MOSPD1: variants seen among roughly 807,000 people sequenced by gnomAD.
MOSPD1 encodes motile sperm domain containing 1.
A neutral mutation model predicts 16.7 loss-of-function variants in MOSPD1; 5 were observed. The ratio of observed to expected loss-of-function variants is 0.30; its 90% CI spans 0.16 to 0.63. The LOEUF is 0.63. Among genes scored for constraint, MOSPD1 ranks in the 30% least tolerant of loss-of-function variants. The pLI is 0.82. For synonymous variants in MOSPD1, 67 were observed against 59.2 expected, an observed-to-expected ratio of 1.13 and a Z score of -0.61; for missense variants, 104 against 153.6, an observed-to-expected ratio of 0.68 and a Z score of 1.71.
At chrX:134,898,328 T>A (rs1176353232) in intron 3 of MOSPD1, among the ~76,000 whole-genome samples, 1 of 112,585 alleles carries the variant, frequency 8.9e-6, no homozygotes, top group African/African-American at 3.2e-5. Flanking sequence ...GTGTACTGAA[T>A]GAAAATTTTT....
chrX:134,902,725 T>C (rs1477017427), intron 1 of MOSPD1, among the ~76,000 whole-genome samples: 1 of 109,151 alleles, frequency 9.2e-6, no homozygotes, highest in Non-Finnish European at 1.9e-5. Flanking sequence ...TCCAGGGACA[T>C]TGAGGCTACA....
At chrX:134,894,269 TACTG>T (rs1209842781) in intron 4 of MOSPD1, among the ~76,000 whole-genome samples, 1 of 112,056 alleles carries the variant, frequency 8.9e-6, no homozygotes, top group Non-Finnish European at 1.9e-5. Flanking sequence ...TTCTCGTTTT[TACTG>T]ACTTTCAATA....
chrX:134,891,125 C>A (rs2082861178), intron 5 of MOSPD1, among the ~76,000 whole-genome samples: 1 of 111,175 alleles, frequency 9.0e-6, no homozygotes, highest in African/African-American at 3.3e-5. Flanking sequence ...TTAAACAAGG[C>A]TGCACTGTTC....
intron 1 of MOSPD1, among the ~76,000 whole-genome samples, chrX:134,913,154 C>T (rs1180159886): frequency 9.0e-6 from 1 of 110,700 alleles, no homozygotes; most frequent in Non-Finnish European, 1.9e-5. Context: ...GGGGGCAGAT[C>T]ACTTGAGGTC....
At chrX:134,904,861 G>GA (rs61567663) in intron 1 of MOSPD1, among the ~76,000 whole-genome samples, 1,786 of 91,923 alleles carry the variant, frequency 0.019, 52 homozygotes, top group African/African-American at 0.065. Context: ...GACTCCATCT[G>GA]AAAAAAAAAA....
chrX:134,915,119 C>A (rs771167166), intron 1 of MOSPD1, 63 bp downstream of exon 1: 19 of 113,128 alleles, frequency 1.7e-4, no homozygotes, highest in African/African-American at 5.1e-4. Context: ...CTCTCAGCCA[C>A]GTAACTTCCA....
At chrX:134,899,017 C>T in intron 3 of MOSPD1, 73 bp downstream of exon 3, 2 of 871,327 alleles carry the variant, frequency 2.3e-6, no homozygotes, top group East Asian at 3.2e-5. Context: ...AAGAAAATAT[C>T]TTTTTTTTTC....
At chrX:134,914,579 T>C (rs2082988983) in intron 1 of MOSPD1, among the ~76,000 whole-genome samples, 1 of 111,013 alleles carries the variant, frequency 9.0e-6, no homozygotes, top group Non-Finnish European at 1.9e-5. Flanking sequence ...CCCTACACCC[T>C]ACCCCATTTT....
intron 5 of MOSPD1, among the ~76,000 whole-genome samples, chrX:134,889,790 G>A (rs2082852636): frequency 9.0e-6 from 1 of 111,725 alleles, no homozygotes; most frequent in Non-Finnish European, 1.9e-5. Context: ...ATGGACAGGG[G>A]CTAGGCATGG....
At chrX:134,904,044 A>C (rs2082928874) in intron 1 of MOSPD1, among the ~76,000 whole-genome samples, 1 of 112,528 alleles carries the variant, frequency 8.9e-6, no homozygotes, top group African/African-American at 3.2e-5. Flanking sequence ...CTTGGGAAAA[A>C]AACAAACAAA....
intron 5 of MOSPD1, 65 bp from the exon 6 acceptor site, chrX:134,889,257 C>G (rs1019861683): frequency 2.2e-6 from 2 of 910,970 alleles, no homozygotes; most frequent in African/African-American, 2.0e-5. Flanking sequence ...ATTCAATAAG[C>G]AATTGTTTGG....
intron 1 of MOSPD1, among the ~76,000 whole-genome samples, chrX:134,903,991 T>G (rs938663236): frequency 1.8e-5 from 2 of 111,614 alleles, no homozygotes; most frequent in African/African-American, 6.5e-5. Context: ...GAGCCGAGAC[T>G]GTGCCACTGC....
At chrX:134,897,692 T>C (rs939147860) in intron 3 of MOSPD1, among the ~76,000 whole-genome samples, 1 of 109,961 alleles carries the variant, frequency 9.1e-6, no homozygotes, top group Non-Finnish European at 1.9e-5. Flanking sequence ...CATAAATTTC[T>C]ATTGCTACTT....
chrX:134,909,389 C>T (rs1221088862), intron 1 of MOSPD1, among the ~76,000 whole-genome samples: 1 of 111,960 alleles, frequency 8.9e-6, no homozygotes, highest in Non-Finnish European at 1.9e-5. Context: ...GACCCATCTG[C>T]TTGGTCACAG....
In MOSPD1 at chrX:134,896,833, C is replaced by T. The variant is rs771898993; in HGVS notation, c.432G>A (p.Glu144=). 1 of 1,209,937 alleles carries T rather than the reference C, an allele frequency of 8.3e-7. No individual in the cohort carries two copies. The highest frequency in any genetic ancestry group is 1.1e-6 in the Non-Finnish European group (1 of 894,022). ...KEHLTESLFF[E]QSFQPENRAV... is the part of the protein sequence containing the mutation. ...CAAAACTACCTGGTTGAAACGACTGCTCAAAAAATAAACTTTCAGTTAAAT... is the reference window on the plus strand; with the variant it reads ...CAAAACTACCTGGTTGAAACGACTGTTCAAAAAATAAACTTTCAGTTAAAT... The change falls in exon 4 of 6, where the codon GAG becomes GAA. Residue 144 remains glutamate (E), a synonymous_variant. Transcript: ENST00000370783.
chrX:134,901,842 C>T (rs1305863414), intron 1 of MOSPD1, among the ~76,000 whole-genome samples: 1 of 110,965 alleles, frequency 9.0e-6, no homozygotes, highest in East Asian at 2.8e-4. Context: ...TACTTTATAG[C>T]ATGAATGTAA....
chrX:134,907,314 G>T (rs1286817085), intron 1 of MOSPD1, among the ~76,000 whole-genome samples: 1 of 112,185 alleles, frequency 8.9e-6, no homozygotes, highest in East Asian at 2.8e-4. Context: ...TGCTTATCAA[G>T]ATCAGAGTTC....
chrX:134,906,174 CTTTTTTTT>C (rs765109385), intron 1 of MOSPD1, among the ~76,000 whole-genome samples: 2 of 56,658 alleles, frequency 3.5e-5, no homozygotes, highest in African/African-American at 1.8e-4. Flanking sequence ...CCATTTATCA[CTTTTTTTT>C]TTTTTTTTTT....
intron 1 of MOSPD1, 140 bp downstream of exon 1, chrX:134,915,042 C>T (rs2082991053): frequency 8.8e-6 from 1 of 113,523 alleles, no homozygotes; most frequent in South Asian, 3.5e-4. Context: ...CCCGGCGCCG[C>T]GGAGCCCCGC....
Sources: gnomAD v4.1 joint callset for allele counts (sites outside exome capture counted in the v4.1 genomes callset) on GRCh38, gnomAD v4.1.1 for gene constraint, MANE v1.5 for transcripts, NCBI Gene and HGNC (gene_info 2026-07-23, HGNC 2026-07-21) for gene names.